B4GALNT4: variants seen among roughly 807,000 people sequenced by gnomAD.
B4GALNT4 encodes the protein N-acetyl-beta-glucosaminyl-glycoprotein 4-beta-N-acetylgalactosaminyltransferase 1.
B4GALNT4 carries 77 observed loss-of-function variants against 110.0 expected under a neutral mutation model. That is an observed-to-expected ratio of 0.70 (90% CI 0.58 to 0.85). The LOEUF is 0.85. Ranked by LOEUF, B4GALNT4 falls within the 40% of genes least tolerant of loss-of-function variation. The pLI is 0.00. For missense variants in B4GALNT4, 1,575 were observed against 1,506.0 expected, an observed-to-expected ratio of 1.05 and a Z score of -0.76; for synonymous variants, 785 against 655.5, an observed-to-expected ratio of 1.20 and a Z score of -3.02.
chr11:375,792 G>T lies in B4GALNT4; in HGVS notation c.985+19G>T. On this transcript the variant is annotated intron_variant, in intron 10 of 19. Coordinates refer to ENST00000329962, the MANE Select transcript of B4GALNT4 (RefSeq NM_178537.5). The stretch of plus-strand genomic sequence containing the variant: ...TTCCTCAGTGAGAGGGGGCCCGCGC[G>T]GGGGCGAGGGCGGGGGTGCCTGCCC... 6.2e-7 allele frequency: 1 copy of T among 1,601,102 alleles called. No homozygotes were observed. The highest frequency in any genetic ancestry group is 8.5e-7 in the Non-Finnish European group (1 of 1,176,968).
chr11:371,350 C>T (rs774444938), intron 1 of B4GALNT4, among the ~76,000 whole-genome samples: 43 of 152,132 alleles, frequency 2.8e-4, no homozygotes, highest in Admixed American at 7.2e-4. Context: ...TCTACTGCCT[C>T]CCCACAAGCC....
Position 369,909 on chromosome 11 carries a change from G to GTGCGCCAGGGACGCGCGC in B4GALNT4, c.115_132dup (p.Gly39_Gln44dup), listed in dbSNP as rs1846578011. On this transcript the variant is annotated inframe_insertion, in exon 1 of 20. Transcript: ENST00000329962. ...GCTCACCTACGTGCACCTGGGCCTGGTGCGCCAGGGACGCGCGCTGCGCCA... is the reference window on the plus strand; with the variant it reads ...GCTCACCTACGTGCACCTGGGCCTGGTGCGCCAGGGACGCGCGCTGCGCCAGGGACGCGCGCTGCGCCA... 2 of 984,212 alleles carry GTGCGCCAGGGACGCGCGC rather than the reference G, an allele frequency of 2.0e-6. No individual in the cohort carries two copies. Among genetic ancestry groups the GTGCGCCAGGGACGCGCGC allele is most frequent in the Non-Finnish European group, 2.4e-6 (2 of 830,616 alleles). 61.0% of individuals were successfully genotyped at this position (984,212 alleles called of 1,614,324 possible).
At chr11:372,621 G>A (rs371925685) in intron 2 of B4GALNT4, 41 bp from the exon 3 acceptor site, 2 of 1,539,600 alleles carry the variant, frequency 1.3e-6, no homozygotes, top group Non-Finnish European at 1.8e-6. Flanking sequence ...CCTCCTCCCT[G>A]CCCTTCCAAC....
In B4GALNT4 at chr11:381,797, G is replaced by A. The variant is rs772025844; in HGVS notation, c.*5G>A. 3.8e-6 allele frequency: 6 copies of A among 1,572,668 alleles called. No individual in the cohort carries two copies. Among genetic ancestry groups the A allele is most frequent in the African/African-American group, 1.4e-5 (1 of 71,662 alleles). The stretch of plus-strand genomic sequence containing the variant: ...TCTCGCACGGGGGCGTCTTGAGGAC[G>A]GGCAGCCCCTCCCAGCCCCGGTGGG... On this transcript the variant is annotated 3_prime_UTR_variant, in exon 20 of 20. Coordinates refer to ENST00000329962, the MANE Select transcript of B4GALNT4 (RefSeq NM_178537.5).
At position 379,648 on chromosome 11, in the gene B4GALNT4, G is replaced by T; in HGVS notation, c.2435G>T (p.Arg812Leu). 6.6e-7 allele frequency: 1 copy of T among 1,506,064 alleles called. No individual in the cohort carries two copies. The allele number at this position is 1,506,064 out of a possible 1,614,324, so 93.3% of individuals were successfully genotyped here. ...VRPDGRPELCRPLRLAWRQDV... is the reference protein window; with the variant it reads ...VRPDGRPELCLPLRLAWRQDV... ...CCCGACGGCCGCCCCGAGCTCTGCC[G>T]GCCACTGCGCCTGGCCTGGCGCCAG... The change falls in exon 15 of 20, where the codon CGG becomes CTG. Residue 812 changes from arginine to leucine, a missense_variant. Physicochemically the swap from Arg to Leu is moderately radical, Grantham distance 102. Coordinates refer to ENST00000329962, the MANE Select transcript of B4GALNT4 (RefSeq NM_178537.5).
intron 14 of B4GALNT4, 32 bp downstream of exon 14, chr11:377,359 G>A (rs765378064): frequency 1.4e-6 from 2 of 1,469,126 alleles, no homozygotes; most frequent in African/African-American, 1.5e-5. Flanking sequence ...CGCCAGGGCG[G>A]TTTTGGAGGC....
rs777622774 is a variant in B4GALNT4 at position 373,418 on chromosome 11, C to G, written c.637-31C>G. 17 of 1,269,796 alleles carry G rather than the reference C, an allele frequency of 1.3e-5. No individual in the cohort carries two copies. The East Asian group carries it at 1.7e-4, about 13-fold the overall frequency. 78.7% of individuals were successfully genotyped at this position (1,269,796 alleles called of 1,614,324 possible). ...CCAGGGAGAGAGTGAACCCCCCCCC[C>G]CACCACCACCCCTGCTCTATCACCC... is the stretch of plus-strand genomic sequence containing the variant. On this transcript the variant is annotated intron_variant, in intron 6 of 19. Coordinates refer to ENST00000329962, the MANE Select transcript of B4GALNT4 (RefSeq NM_178537.5).
rs1416349953 is a variant in B4GALNT4, at chr11:379,602, G to T, written c.2389G>T (p.Ala797Ser). The change falls in exon 15 of 20, where the codon GCT (alanine) becomes TCT (serine). Residue 797 changes from alanine to serine, a missense_variant. Transcript: ENST00000329962. ...GDADGESPEP[A>S]PAASVRPDGR... Reference sequence around the variant, plus strand: ...TGCAGACGGAGAAAGTCCCGAACCCGCTCCCGCCGCCTCCGTGCGCCCCGA... The same window carrying T: ...TGCAGACGGAGAAAGTCCCGAACCCTCTCCCGCCGCCTCCGTGCGCCCCGA... 2 of 1,556,394 alleles carry T rather than the reference G, an allele frequency of 1.3e-6. No individual in the cohort carries two copies. Among genetic ancestry groups the T allele is most frequent in the Non-Finnish European group, 1.7e-6 (2 of 1,154,158 alleles).
chr11:377,221 T>C lies in B4GALNT4; in HGVS notation c.2098T>C (p.Trp700Arg). The change falls in exon 14 of 20, where the codon TGG (tryptophan) becomes CGG (arginine). Residue 700 changes from tryptophan to arginine, a missense_variant. By Grantham distance (101) the Trp-to-Arg change is moderately radical. Transcript: ENST00000329962. ...GGACTTCGAGCTGCTGCGCTCGGAC[T>C]GGAACGACCTGCGATGCAACGTTTC... Reference protein sequence around the residue: ...AVDFELLRSDWNDLRCNVSGN... With the variant: ...AVDFELLRSDRNDLRCNVSGN... 1 of 1,597,006 alleles carries C rather than the reference T, an allele frequency of 6.3e-7. No homozygotes were observed. Among genetic ancestry groups the C allele is most frequent in the Non-Finnish European group, 8.5e-7 (1 of 1,172,858 alleles).
In B4GALNT4 at chr11:376,449, G is replaced by A. The variant is rs756956015; in HGVS notation, c.1326G>A (p.Glu442=). The A allele has an allele frequency of 6.3e-7, 1 of 1,596,068 alleles. No homozygotes were observed. The highest frequency in any genetic ancestry group is 8.5e-7 in the Non-Finnish European group (1 of 1,178,394). ...DDFLDDEDEG[E]LLDSLEPTEA... The stretch of plus-strand genomic sequence containing the variant: ...TCCTGGACGACGAGGACGAGGGGGA[G>A]CTGCTCGACAGCCTGGAGCCCACCG... Residue 442 remains glutamate, a synonymous_variant, in exon 14 of 20, where the codon GAG becomes GAA. Coordinates refer to ENST00000329962, the MANE Select transcript of B4GALNT4 (RefSeq NM_178537.5).
chr11:378,806 C>T (rs943037395), intron 14 of B4GALNT4, among the ~76,000 whole-genome samples: 4 of 152,008 alleles, frequency 2.6e-5, no homozygotes, highest in Non-Finnish European at 4.4e-5. Context: ...AGGACAGGAG[C>T]GGAACTGCTG....
intron 4 of B4GALNT4, 36 bp from the exon 5 acceptor site, chr11:372,990 A>AG: frequency 6.4e-7 from 1 of 1,556,312 alleles, no homozygotes; most frequent in African/African-American, 1.4e-5. Flanking sequence ...CAGGGCACGC[A>AG]GGGGGCTTCG....
intron 14 of B4GALNT4, 24 bp from the exon 15 acceptor site, chr11:379,394 C>G: frequency 1.4e-6 from 2 of 1,470,154 alleles, no homozygotes; most frequent in South Asian, 1.3e-5. Context: ...AGCCCCAGTA[C>G]CGGCTGACCG....
intron 14 of B4GALNT4, 67 bp downstream of exon 14, chr11:377,394 C>T (rs1463750682): frequency 2.1e-6 from 3 of 1,415,138 alleles, no homozygotes; most frequent in Admixed American, 5.6e-5. Context: ...AGAGGAGGTC[C>T]TGGCCTTGGC....
intron 8 of B4GALNT4, among the ~76,000 whole-genome samples, chr11:374,477 A>G (rs1416741982): frequency 6.8e-6 from 1 of 147,018 alleles, no homozygotes; most frequent in Non-Finnish European, 1.5e-5. Flanking sequence ...TCAGCTGGGC[A>G]GAGGGCCCAG....
Position 380,396 on chromosome 11 carries a change from G to A in B4GALNT4, c.2820G>A (p.Ala940=), listed in dbSNP as rs778813288. 3 of 1,612,610 alleles carry A rather than the reference G, an allele frequency of 1.9e-6. No homozygotes were observed. The highest frequency in any genetic ancestry group is 1.7e-6 in the Non-Finnish European group (2 of 1,179,658). Residue 940 remains alanine (A), a synonymous_variant, in exon 18 of 20, where the codon GCG becomes GCA. Transcript: ENST00000329962. ...KHCVEGRLAF[A]PVVMRLSCGS... ...GCGTGGAGGGCAGGCTGGCCTTCGC[G>A]CCCGTGGTCATGCGCCTGAGCTGCG...
intron 14 of B4GALNT4, among the ~76,000 whole-genome samples, chr11:379,140 C>T (rs376854276): frequency 6.6e-5 from 10 of 152,328 alleles, no homozygotes; most frequent in Non-Finnish European, 1.2e-4. Context: ...ATGTCATAAA[C>T]GTCACCTGGG....
rs754714873 is a variant in B4GALNT4, at chr11:376,443, G to A, written c.1320G>A (p.Glu440=). ...CAGACTTCCTGGACGACGAGGACGA[G>A]GGGGAGCTGCTCGACAGCCTGGAGC... The part of the protein sequence containing the change: ...NPDDFLDDED[E]GELLDSLEPT... The change falls in exon 14 of 20, where the codon GAG becomes GAA. Residue 440 remains glutamate, a synonymous_variant. Transcript: ENST00000329962. 1.3e-6 allele frequency: 2 copies of A among 1,596,484 alleles called. No homozygotes were observed. The highest frequency in any genetic ancestry group is 4.5e-5 in the East Asian group (2 of 44,794).
intron 18 of B4GALNT4, 79 bp from the exon 19 acceptor site, chr11:380,746 G>A: frequency 1.2e-6 from 2 of 1,605,586 alleles, no homozygotes; most frequent in Non-Finnish European, 1.7e-6. Flanking sequence ...CCCCTCCCGA[G>A]GTCTCCTAGC....
Sources: allele counts gnomAD v4.1 joint callset (sites outside exome capture counted in the v4.1 genomes callset), GRCh38; gene constraint gnomAD v4.1.1; transcripts MANE v1.5; gene names NCBI Gene and HGNC (gene_info 2026-07-23, HGNC 2026-07-21).